Variants in STXBP5 observed in about 807,000 individuals in gnomAD.
STXBP5 encodes syntaxin binding protein 5.
Under a neutral mutation model 152.4 loss-of-function variants are expected in STXBP5, and 50 were observed. The ratio of observed to expected loss-of-function variants is 0.33; its 90% confidence interval spans 0.26 to 0.42. The LOEUF is 0.42. Among genes scored for constraint, STXBP5 ranks in the 10% least tolerant of loss-of-function variants. The pLI is 1.00. For missense variants in STXBP5, 1,167 were observed against 1,388.6 expected, an observed-to-expected ratio of 0.84 and a Z score of 2.54; for synonymous variants, 492 against 494.7, an observed-to-expected ratio of 0.99 and a Z score of 0.07.
chr6:147,363,142 G>A (rs1785139585), intron 23 of STXBP5, among the ~76,000 whole-genome samples, 193 bp from the exon 24 acceptor site: 1 of 152,180 alleles, frequency 6.6e-6, no homozygotes, highest in South Asian at 2.1e-4. Context: ...TCTATTTGGA[G>A]CATGTAAGTT....
intron 9 of STXBP5, among the ~76,000 whole-genome samples, chr6:147,297,495 C>T (rs1199240344): frequency 6.6e-6 from 1 of 152,068 alleles, no homozygotes; most frequent in Non-Finnish European, 1.5e-5. Context: ...TAATTACTGT[C>T]ATGAAAACAT....
At chr6:147,272,744 TAATTC>T (rs1481291235) in intron 7 of STXBP5, among the ~76,000 whole-genome samples, 1 of 152,202 alleles carries the variant, frequency 6.6e-6, no homozygotes, top group Non-Finnish European at 1.5e-5. Flanking sequence ...ATTTCTAATA[TAATTC>T]AAGTTCTACT....
chr6:147,377,231 T>TA (rs1785854210), intron 26 of STXBP5, among the ~76,000 whole-genome samples: 1 of 152,192 alleles, frequency 6.6e-6, no homozygotes, highest in Non-Finnish European at 1.5e-5. Flanking sequence ...GAAATATACT[T>TA]ACCTTTGGAT....
chr6:147,372,507 C>T (rs769410751), intron 25 of STXBP5, among the ~76,000 whole-genome samples: 9 of 136,016 alleles, frequency 6.6e-5, no homozygotes, highest in Non-Finnish European at 1.2e-4. Flanking sequence ...CAATCTCTGC[C>T]CACTGCAACT....
intron 7 of STXBP5, among the ~76,000 whole-genome samples, chr6:147,269,873 G>A (rs1780073211): frequency 6.6e-6 from 1 of 152,116 alleles, no homozygotes; most frequent in Non-Finnish European, 1.5e-5. Context: ...AATCCTCGGA[G>A]GAGAGTGGAG....
chr6:147,378,523 GAA>G (rs944655356), intron 26 of STXBP5, among the ~76,000 whole-genome samples: 36 of 151,408 alleles, frequency 2.4e-4, no homozygotes, highest in African/African-American at 8.5e-4. Context: ...TTATTCCTTT[GAA>G]ATTAGGAATC....
At position 147,355,776 on chromosome 6, in the gene STXBP5, C is replaced by G. The variant is rs542700389; in HGVS notation, c.2305+2403C>G. On this transcript the variant is annotated intron_variant, in intron 22 of 27. Transcript: ENST00000321680. ...ATAAATGTAAAGTATTAGTGCCTGG[C>G]ACATGGTAGGCCTTGCTTAGTGTTA... is the stretch of plus-strand genomic sequence containing the variant. Among the ~76,000 whole-genome samples the G allele has an allele frequency of 2.2e-3, 316 of 146,628 alleles. 3 individuals carry two copies. The highest frequency in any genetic ancestry group is 8.6e-3 in the African/African-American group (312 of 36,296).
intron 9 of STXBP5, among the ~76,000 whole-genome samples, chr6:147,304,987 A>G (rs1360216669): frequency 6.6e-6 from 1 of 152,112 alleles, no homozygotes; most frequent in Non-Finnish European, 1.5e-5. Context: ...TTGGATTGAG[A>G]TCCTCAATAG....
chr6:147,310,592 G>T (rs1052486187), intron 10 of STXBP5, among the ~76,000 whole-genome samples: 2 of 152,106 alleles, frequency 1.3e-5, no homozygotes, highest in African/African-American at 4.8e-5. Flanking sequence ...ACACTGTTGT[G>T]GGGGCTGGCC....
At chr6:147,238,631 C>T (rs766157741) in intron 3 of STXBP5, among the ~76,000 whole-genome samples, 1 of 152,174 alleles carries the variant, frequency 6.6e-6, no homozygotes, top group Non-Finnish European at 1.5e-5. Flanking sequence ...TTGTATCAGA[C>T]ATTTTAACAT....
At chr6:147,249,783 AC>A (rs1468335392) in intron 4 of STXBP5, among the ~76,000 whole-genome samples, 1 of 152,116 alleles carries the variant, frequency 6.6e-6, no homozygotes, top group African/African-American at 2.4e-5. Flanking sequence ...TTTACTAAAA[AC>A]CCGTTAAAGA....
chr6:147,349,571 G>T (rs990729361), intron 21 of STXBP5, among the ~76,000 whole-genome samples: 1 of 152,094 alleles, frequency 6.6e-6, no homozygotes, highest in Non-Finnish European at 1.5e-5. Context: ...AAAGTCTCTC[G>T]CTGGTTTTGT....
intron 4 of STXBP5, among the ~76,000 whole-genome samples, chr6:147,257,371 C>T (rs1779421766): frequency 6.6e-6 from 1 of 151,494 alleles, no homozygotes; most frequent in African/African-American, 2.4e-5. Context: ...AAATAAATAA[C>T]CTTATTAGTG....
intron 2 of STXBP5, among the ~76,000 whole-genome samples, chr6:147,234,449 A>G (rs921026420): frequency 6.6e-6 from 1 of 151,732 alleles, no homozygotes; most frequent in African/African-American, 2.4e-5. Flanking sequence ...AAGCTTATTT[A>G]TATTCTATTT....
At chr6:147,373,094 G>A (rs1785635376) in intron 25 of STXBP5, among the ~76,000 whole-genome samples, 3 of 151,932 alleles carry the variant, frequency 2.0e-5, no homozygotes, top group Admixed American at 6.6e-5. Flanking sequence ...TTTCTGGCTG[G>A]GCATGGTGGC....
At chr6:147,223,637 T>C (rs1777569057) in intron 2 of STXBP5, among the ~76,000 whole-genome samples, 1 of 152,214 alleles carries the variant, frequency 6.6e-6, no homozygotes, top group Admixed American at 6.5e-5. Context: ...TTTGTGGAGC[T>C]GAAAAAACCA....
chr6:147,282,714 C>A (rs1031878352), intron 8 of STXBP5, among the ~76,000 whole-genome samples: 2 of 152,130 alleles, frequency 1.3e-5, no homozygotes, highest in African/African-American at 4.8e-5. Context: ...ACAGTATTGG[C>A]ATGGCTCAGA....
At chr6:147,220,064 A>T (rs1031019824) in intron 2 of STXBP5, among the ~76,000 whole-genome samples, 1 of 151,712 alleles carries the variant, frequency 6.6e-6, no homozygotes, top group Non-Finnish European at 1.5e-5. Flanking sequence ...ATAAATTTTG[A>T]TAAGTTGTTT....
chr6:147,233,018 T>C (rs1309194222), intron 2 of STXBP5, among the ~76,000 whole-genome samples: 1 of 151,870 alleles, frequency 6.6e-6, no homozygotes, highest in African/African-American at 2.4e-5. Flanking sequence ...GACCTGTTGC[T>C]TATTCTTTAC....
Sources: gnomAD v4.1 joint callset for allele counts (sites outside exome capture counted in the v4.1 genomes callset) on GRCh38, gnomAD v4.1.1 for gene constraint, MANE v1.5 for transcripts, NCBI Gene and HGNC (gene_info 2026-07-23, HGNC 2026-07-21) for gene names.